Variants in ARHGAP6 observed in about 807,000 individuals in gnomAD.
ARHGAP6 encodes the protein rho GTPase-activating protein 6.
A neutral mutation model predicts 55.7 loss-of-function variants in ARHGAP6; 16 were observed. The observed-to-expected ratio is 0.29, with a 90% CI of 0.19 to 0.44. The LOEUF (loss-of-function observed/expected upper bound fraction) is 0.44, where lower values mean the gene tolerates loss of function less well. Ranked by LOEUF, ARHGAP6 falls within the 20% of genes least tolerant of loss-of-function variation. The pLI, the probability that ARHGAP6 is intolerant of heterozygous loss-of-function variation, is 1.00. For synonymous variants in ARHGAP6, 382 were observed against 360.9 expected (o/e 1.06, Z -0.66); for missense variants, 698 against 808.9 (o/e 0.86, Z 1.66).
At chrX:11,538,147 C>T (rs751177775) in intron 1 of ARHGAP6, among the ~76,000 whole-genome samples, 12 of 111,896 alleles carry the variant, frequency 1.1e-4, no homozygotes, top group Non-Finnish European at 1.7e-4. Context: ...CCAAAGTGTA[C>T]AAACAAGAGA....
At chrX:11,351,651 C>A in intron 1 of ARHGAP6, 1 of 689,591 alleles carries the variant, frequency 1.5e-6, no homozygotes, top group Non-Finnish European at 1.7e-6. Context: ...GTTCCCAGGC[C>A]GGACCGTCAG....
chrX:11,569,970 A>T (rs771760176), intron 1 of ARHGAP6, among the ~76,000 whole-genome samples: 117 of 112,273 alleles, frequency 1.0e-3, no homozygotes, highest in African/African-American at 3.6e-3. Context: ...TGCAGAGCAA[A>T]AAGATCTAAA....
chrX:11,590,837 A>AG lies in ARHGAP6; in HGVS notation c.588+73403_588+73404insC, dbSNP rs1569410826. On this transcript the variant is annotated intron_variant, in intron 1 of 12. Coordinates refer to ENST00000337414, the MANE Select transcript of ARHGAP6 (RefSeq NM_013427.3). ...AAAAGAAAAGAAAAGAAAAGAAAAG[A>AG]AAAGAAAAGAAAAGAAAAGAAAAGA... is the stretch of plus-strand genomic sequence containing the variant. Among the ~76,000 whole-genome samples, 27 of 53,126 alleles carry AG rather than the reference A, an allele frequency of 5.1e-4. 2 individuals are homozygous for AG. Among genetic ancestry groups the AG allele is most frequent in the Middle Eastern group, 9.1e-3 (1 of 110 alleles). 46.1% of individuals were successfully genotyped at this position (53,126 alleles called of 115,157 possible).
intron 1 of ARHGAP6, among the ~76,000 whole-genome samples, chrX:11,590,524 G>A (rs1043394904): frequency 9.2e-6 from 1 of 109,223 alleles, no homozygotes. Flanking sequence ...AGTAGCTCAC[G>A]CCTGTAATCC....
At chrX:11,516,598 T>A (rs995264231) in intron 1 of ARHGAP6, among the ~76,000 whole-genome samples, 1 of 112,445 alleles carries the variant, frequency 8.9e-6, no homozygotes, top group Non-Finnish European at 1.9e-5. Flanking sequence ...CATACCGTGA[T>A]AAGTTTACTT....
chrX:11,520,418 T>C (rs1279371411), intron 1 of ARHGAP6, among the ~76,000 whole-genome samples: 1 of 106,562 alleles, frequency 9.4e-6, no homozygotes, highest in Non-Finnish European at 1.9e-5. Flanking sequence ...AGTGTTTGGT[T>C]TTTTGTCCTT....
At chrX:11,511,809 T>C (rs1307863135) in intron 1 of ARHGAP6, among the ~76,000 whole-genome samples, 4 of 110,973 alleles carry the variant, frequency 3.6e-5, no homozygotes, top group African/African-American at 9.8e-5. Context: ...CTTGTCCTTT[T>C]ACTCTAGCGT....
chrX:11,422,933 C>T (rs1345320000), intron 1 of ARHGAP6, among the ~76,000 whole-genome samples: 1 of 111,154 alleles, frequency 9.0e-6, no homozygotes, highest in East Asian at 2.8e-4. Flanking sequence ...AGGCCTCATC[C>T]AGGAAAATTT....
In ARHGAP6 at chrX:11,241,653, G is replaced by T. The variant is rs927289404; in HGVS notation, c.748+12895C>A. Reference sequence around the variant, plus strand: ...CCAAACTCATGTTATCAAAGTTTTTGCTTATTAACTTATACTTAACAGTTC... The same window carrying T: ...CCAAACTCATGTTATCAAAGTTTTTTCTTATTAACTTATACTTAACAGTTC... On this transcript the variant is annotated intron_variant, in intron 2 of 12. Transcript: ENST00000337414. Among the ~76,000 whole-genome samples, 6 of 108,662 alleles carry T rather than the reference G, an allele frequency of 5.5e-5. No individual in the cohort carries two copies. In the East Asian group the frequency reaches 1.8e-3, roughly 32 times the overall value. The allele number at this position is 108,662 out of a possible 115,157, so 94.4% of individuals were successfully genotyped here. A position where few individuals can be genotyped will look rare whatever the true frequency, so the allele number is the denominator to read the frequency against.
intron 1 of ARHGAP6, chrX:11,294,769 C>T (rs760464147): frequency 3.3e-6 from 4 of 1,210,332 alleles, no homozygotes; most frequent in Non-Finnish European, 4.5e-6. Context: ...TGTTGACTTA[C>T]ATTTCAGAAC....
At chrX:11,294,035 G>T (rs985027135) in intron 1 of ARHGAP6, among the ~76,000 whole-genome samples, 1 of 112,341 alleles carries the variant, frequency 8.9e-6, no homozygotes, top group Non-Finnish European at 1.9e-5. Context: ...TGTCCCAAGG[G>T]TCTTATTTAT....
intron 1 of ARHGAP6, among the ~76,000 whole-genome samples, chrX:11,585,923 G>A (rs1601671789): frequency 9.0e-6 from 1 of 111,299 alleles, no homozygotes; most frequent in African/African-American, 3.3e-5. Context: ...AACAGGAAGT[G>A]GGAATAAGGT....
At chrX:11,154,032 C>A (rs2045828924) in intron 10 of ARHGAP6, among the ~76,000 whole-genome samples, 1 of 109,040 alleles carries the variant, frequency 9.2e-6, no homozygotes, top group Non-Finnish European at 1.9e-5. Flanking sequence ...TCTCATTGTT[C>A]AATTCCCACC....
chrX:11,317,420 C>T (rs1314914251), intron 1 of ARHGAP6, among the ~76,000 whole-genome samples: 1 of 111,826 alleles, frequency 8.9e-6, no homozygotes, highest in Non-Finnish European at 1.9e-5. Context: ...GCTTAGACAT[C>T]GTCATATTTA....
intron 1 of ARHGAP6, among the ~76,000 whole-genome samples, chrX:11,308,017 G>A (rs754228393): frequency 1.4e-4 from 16 of 112,170 alleles, no homozygotes; most frequent in Non-Finnish European, 2.6e-4. Context: ...TAAATAATTC[G>A]TATATATTTT....
intron 9 of ARHGAP6, among the ~76,000 whole-genome samples, chrX:11,157,302 C>G (rs751091692): frequency 8.9e-6 from 1 of 112,396 alleles, no homozygotes; most frequent in Non-Finnish European, 1.9e-5. Context: ...GGTAAATACT[C>G]AAAAAATTGC....
At chrX:11,212,853 G>A (rs1001707632) in intron 2 of ARHGAP6, among the ~76,000 whole-genome samples, 1 of 112,317 alleles carries the variant, frequency 8.9e-6, no homozygotes, top group Non-Finnish European at 1.9e-5. Context: ...TGTAGATGCC[G>A]ACACCACGAG....
Position 11,139,090 on chromosome X carries a change from G to T in ARHGAP6, c.2698C>A (p.Pro900Thr), listed in dbSNP as rs752906971. 8.3e-7 allele frequency: 1 copy of T among 1,202,487 alleles called. No homozygotes were observed. Among genetic ancestry groups the T allele is most frequent in the South Asian group, 1.8e-5 (1 of 55,953 alleles). Reference sequence around the variant, plus strand: ...GTGGGTGTCTCCACGCCTTCCGGGGGCCCCTGGATCCAGGCTGCCGCTGCC... The same window carrying T: ...GTGGGTGTCTCCACGCCTTCCGGGGTCCCCTGGATCCAGGCTGCCGCTGCC... ...PAAAAAWIQG[P>T]PEGVETPTDQ... is the part of the protein sequence containing the mutation. The change falls in exon 13 of 13, where the codon CCC becomes ACC. Residue 900 changes from proline to threonine, a missense_variant. Transcript: ENST00000337414.
intron 2 of ARHGAP6, among the ~76,000 whole-genome samples, chrX:11,226,098 C>T (rs1395254836): frequency 9.2e-6 from 1 of 109,139 alleles, no homozygotes; most frequent in Non-Finnish European, 1.9e-5. Flanking sequence ...GTGCTGCACC[C>T]GTTAACTCGT....
Sources: allele counts gnomAD v4.1 joint callset (sites outside exome capture counted in the v4.1 genomes callset), GRCh38; gene constraint gnomAD v4.1.1; transcripts MANE v1.5; gene names NCBI Gene and HGNC (gene_info 2026-07-23, HGNC 2026-07-21).